The following MITF variants were observed in gnomAD, a reference collection of about 807,000 sequenced individuals.
MITF encodes the protein melanocyte inducing transcription factor.
A neutral mutation model predicts 60.5 loss-of-function variants in MITF; 17 were observed. The ratio of observed to expected loss-of-function variants is 0.28; its 90% CI spans 0.19 to 0.42. MITF has a LOEUF of 0.42. Ranked by LOEUF, MITF falls within the 10% of genes least tolerant of loss-of-function variation. The pLI, the probability that MITF is intolerant of heterozygous loss-of-function variation, is 1.00. For missense variants in MITF, 622 were observed against 683.5 expected (o/e 0.91, Z 1.00); for synonymous variants, 260 against 248.5 (o/e 1.05, Z -0.43).
intron 2 of MITF, among the ~76,000 whole-genome samples, chr3:69,923,407 C>T (rs1027534403): frequency 2.0e-5 from 3 of 152,282 alleles, no homozygotes; most frequent in East Asian, 1.9e-4. Flanking sequence ...TGCATTGATG[C>T]GATCTTGGCT....
chr3:69,862,327 A>C (rs562028759), intron 1 of MITF, among the ~76,000 whole-genome samples: 1 of 152,192 alleles, frequency 6.6e-6, no homozygotes, highest in East Asian at 1.9e-4. Flanking sequence ...ATAATGAAAC[A>C]TTCCAAGACC....
At chr3:69,884,634 T>C (rs1250139564) in intron 2 of MITF, among the ~76,000 whole-genome samples, 1 of 152,132 alleles carries the variant, frequency 6.6e-6, no homozygotes, top group Non-Finnish European at 1.5e-5. Flanking sequence ...ATCTCTGGGC[T>C]GACACAAGAA....
rs143020459 is a variant in MITF, at chr3:69,948,322, T to C, written c.763-729T>C. ...TGCACATACACAACCAAAGGAGGACTCGCTGCTTTAAAACAGCCCATTCAG... is the reference window on the plus strand; with the variant it reads ...TGCACATACACAACCAAAGGAGGACCCGCTGCTTTAAAACAGCCCATTCAG... On this transcript the variant is annotated intron_variant, in intron 5 of 9. Coordinates refer to ENST00000352241, the MANE Select transcript of MITF (RefSeq NM_001354604.2). 2.5e-3 allele frequency among the ~76,000 whole-genome samples: 382 copies of C among 152,236 alleles called. 1 individual carries two copies. The highest frequency in any genetic ancestry group is 8.6e-3 in the African/African-American group (359 of 41,532).
intron 1 of MITF, among the ~76,000 whole-genome samples, chr3:69,758,497 C>T (rs1383979197): frequency 2.0e-5 from 3 of 152,156 alleles, no homozygotes. Flanking sequence ...CTGGTGTTCA[C>T]TGAAGATGGC....
chr3:69,847,951 T>C (rs1262711584), intron 1 of MITF, among the ~76,000 whole-genome samples: 1 of 152,258 alleles, frequency 6.6e-6, no homozygotes, highest in Non-Finnish European at 1.5e-5. Context: ...CATTTAATGA[T>C]GTGCTGGCCA....
At chr3:69,950,627 G>A (rs1332910190) in intron 6 of MITF, among the ~76,000 whole-genome samples, 11 of 138,044 alleles carry the variant, frequency 8.0e-5, no homozygotes, top group Admixed American at 2.9e-4. Context: ...TATATGGTGT[G>A]TATATATATA....
chr3:69,937,765 C>T (rs935863945), intron 2 of MITF, 57 bp from the exon 3 acceptor site: 30 of 1,430,790 alleles, frequency 2.1e-5, no homozygotes, highest in Non-Finnish European at 2.7e-5. Flanking sequence ...AAGGAAGAGC[C>T]GTCTGAAACT....
At chr3:69,754,090 C>A (rs1039975921) in intron 1 of MITF, among the ~76,000 whole-genome samples, 1 of 152,018 alleles carries the variant, frequency 6.6e-6, no homozygotes, top group African/African-American at 2.4e-5. Context: ...CAGGTGAGGC[C>A]TGATGGGAGG....
chr3:69,862,467 T>G (rs538288259), intron 1 of MITF, among the ~76,000 whole-genome samples: 1 of 152,280 alleles, frequency 6.6e-6, no homozygotes. Context: ...GAAAAATGAC[T>G]ATCAAAAGAA....
chr3:69,769,257 A>G (rs1162461378), intron 1 of MITF, among the ~76,000 whole-genome samples: 2 of 152,154 alleles, frequency 1.3e-5, no homozygotes, highest in Non-Finnish European at 2.9e-5. Context: ...TATGGTCCCT[A>G]CCTCATAAGG....
At chr3:69,932,822 T>G (rs989392619) in intron 2 of MITF, among the ~76,000 whole-genome samples, 2 of 152,184 alleles carry the variant, frequency 1.3e-5, no homozygotes, top group Non-Finnish European at 2.9e-5. Flanking sequence ...TACCGCTTTT[T>G]TCAGGAAATA....
intron 1 of MITF, among the ~76,000 whole-genome samples, chr3:69,814,903 T>C (rs2063157057): frequency 6.6e-6 from 1 of 152,172 alleles, no homozygotes; most frequent in Non-Finnish European, 1.5e-5. Flanking sequence ...ATATAGTGTC[T>C]GTGTAACTGA....
intron 1 of MITF, among the ~76,000 whole-genome samples, chr3:69,849,178 G>A (rs9310175): frequency 0.49 from 74,270 of 150,952 alleles, 19,995 homozygotes; most frequent in Non-Finnish European, 0.63. Context: ...TTTAGCCGGG[G>A]TGGTCTCGAT....
chr3:69,863,643 T>A (rs2064057502), intron 1 of MITF, among the ~76,000 whole-genome samples: 1 of 152,230 alleles, frequency 6.6e-6, no homozygotes. Context: ...TTCTAAGATG[T>A]ACCCGAGTGC....
In MITF at chr3:69,965,068, C is replaced by T. The variant is rs2107552742; in HGVS notation, c.1401C>T (p.Ala467=). ...FNNNLGTGTE[A]NQAYSVPTKM... ...ACAACCTCGGAACTGGGACTGAGGC[C>T]AACCAAGCCTATAGTGTCCCCACAA... Residue 467 remains alanine, a synonymous_variant, in exon 10 of 10, where the codon GCC becomes GCT. Coordinates refer to ENST00000352241, the MANE Select transcript of MITF (RefSeq NM_001354604.2). 1 of 1,614,132 alleles carries T rather than the reference C, an allele frequency of 6.2e-7. No individual in the cohort carries two copies. Among genetic ancestry groups the T allele is most frequent in the Non-Finnish European group, 8.5e-7 (1 of 1,180,028 alleles).
At chr3:69,873,027 A>AT (rs1303047123) in intron 1 of MITF, among the ~76,000 whole-genome samples, 82 of 152,230 alleles carry the variant, frequency 5.4e-4, no homozygotes, top group African/African-American at 1.9e-3. Context: ...AGAGACCTGG[A>AT]GTATTTATTA....
chr3:69,877,038 A>G (rs1353966040), intron 1 of MITF, among the ~76,000 whole-genome samples: 1 of 152,242 alleles, frequency 6.6e-6, no homozygotes, highest in African/African-American at 2.4e-5. Context: ...ACTTGGATAC[A>G]TGCATATACC....
intron 1 of MITF, among the ~76,000 whole-genome samples, chr3:69,786,515 C>A (rs1575710011): frequency 6.6e-6 from 1 of 151,972 alleles, no homozygotes; most frequent in Non-Finnish European, 1.5e-5. Context: ...AGATTAAATA[C>A]CCTTAGCTTA....
intron 1 of MITF, among the ~76,000 whole-genome samples, chr3:69,771,801 G>C (rs1232870553): frequency 6.6e-6 from 1 of 152,122 alleles, no homozygotes; most frequent in African/African-American, 2.4e-5. Flanking sequence ...TGTGACATGG[G>C]GTTCATGTTG....
Sources: allele counts gnomAD v4.1 joint callset (sites outside exome capture counted in the v4.1 genomes callset), GRCh38; gene constraint gnomAD v4.1.1; transcripts MANE v1.5; gene names NCBI Gene and HGNC (gene_info 2026-07-23, HGNC 2026-07-21).